Variants in ABCC3 observed in about 807,000 individuals in gnomAD.
ABCC3 encodes ATP-binding cassette sub-family C member 3.
In ABCC3, 121 loss-of-function variants were observed where a neutral mutation model predicts 165.3. That is an observed-to-expected ratio of 0.73 (90% confidence interval 0.63 to 0.85). The LOEUF (loss-of-function observed/expected upper bound fraction) is 0.85. Ranked by LOEUF, ABCC3 falls within the 40% of genes least tolerant of loss-of-function variation. ABCC3 has a pLI of 0.00. For synonymous variants in ABCC3, 733 were observed against 810.1 expected, an observed-to-expected ratio of 0.90 and a Z score of 1.62; for missense variants, 1,869 against 1,964.1, an observed-to-expected ratio of 0.95 and a Z score of 0.92.
intron 8 of ABCC3, among the ~76,000 whole-genome samples, chr17:50,661,884 A>G (rs1967398389): frequency 6.6e-6 from 1 of 152,194 alleles, no homozygotes; most frequent in Admixed American, 6.5e-5. Context: ...TGGGAGGTCA[A>G]CGAATTTGGA....
chr17:50,658,365 AT>A, intron 5 of ABCC3, 69 bp from the exon 6 acceptor site: 1 of 1,585,710 alleles, frequency 6.3e-7, no homozygotes, highest in South Asian at 1.1e-5. Flanking sequence ...GGTCCCCTCC[AT>A]TTCCCTACTC....
In ABCC3 at chr17:50,645,382, A is replaced by AT. The variant is rs1966986125; in HGVS notation, c.45+10401_45+10402insT. Among the ~76,000 whole-genome samples, 4 of 149,526 alleles carry AT rather than the reference A, an allele frequency of 2.7e-5. No individual in the cohort carries two copies. In the South Asian group the frequency reaches 8.8e-4, roughly 33 times the overall value. ...GAGCAAGATTCCATCAAAAAAAAAA[A>AT]AAAAAAAAAAAAAAAAAGATGGGAG... On this transcript the variant is annotated intron_variant, in intron 1 of 30. Transcript: ENST00000285238.
rs1967995513 is a variant in ABCC3, at chr17:50,684,869, A to G, written c.4274A>G (p.Asn1425Ser). Reference protein sequence around the residue: ...LDFQCSEGGENLSVGQRQLVC... With the variant: ...LDFQCSEGGESLSVGQRQLVC... ...TTCCAGTGCTCAGAGGGCGGGGAGA[A>G]TCTCAGGTAAACACTGGGAGTGCAG... The change falls in exon 29 of 31, where the codon AAT becomes AGT. Residue 1425 changes from asparagine (N) to serine (S), a missense_variant. By Grantham distance (46) the Asn-to-Ser change is conservative. Coordinates refer to ENST00000285238, the MANE Select transcript of ABCC3 (RefSeq NM_003786.4). 7 of 1,613,900 alleles carry G rather than the reference A, an allele frequency of 4.3e-6. No individual in the cohort carries two copies. The highest frequency in any genetic ancestry group is 1.7e-4 in the Middle Eastern group (1 of 6,060).
In ABCC3 at chr17:50,656,835, T is replaced by G. The variant is rs1408613172; in HGVS notation, c.348+8T>G. On this transcript the variant is annotated splice_region_variant and intron_variant, in intron 3 of 30. Coordinates refer to ENST00000285238, the MANE Select transcript of ABCC3 (RefSeq NM_003786.4). ...GTGGTGGGGGTCACCATGGTCAGTGTGGGGCCCTGGGAAAGTGGATGGGGG... is the reference window on the plus strand; with the variant it reads ...GTGGTGGGGGTCACCATGGTCAGTGGGGGGCCCTGGGAAAGTGGATGGGGG... 1 of 1,598,360 alleles carries G rather than the reference T, an allele frequency of 6.3e-7. No homozygotes were observed. The highest frequency in any genetic ancestry group is 1.1e-5 in the South Asian group (1 of 88,356).
At position 50,641,956 on chromosome 17, in the gene ABCC3, A is replaced by G. The variant is rs373182227; in HGVS notation, c.45+6975A>G. On this transcript the variant is annotated intron_variant, in intron 1 of 30. Coordinates refer to ENST00000285238, the MANE Select transcript of ABCC3 (RefSeq NM_003786.4). The stretch of plus-strand genomic sequence containing the variant: ...CAGCTACTCAGGAGGCTGAGGCAGG[A>G]GGATCGCTTGAGCCCAAGAGGTCAA... Among the ~76,000 whole-genome samples, 4 of 151,734 alleles carry G rather than the reference A, an allele frequency of 2.6e-5. No individual in the cohort carries two copies. The East Asian group carries it at 7.7e-4, about 29-fold the overall frequency.
Position 50,669,124 on chromosome 17 carries a change from G to A in ABCC3, c.1938-16G>A. 3 of 1,595,630 alleles carry A rather than the reference G, an allele frequency of 1.9e-6. No individual in the cohort carries two copies. The highest frequency in any genetic ancestry group is 2.6e-6 in the Non-Finnish European group (3 of 1,172,386). On this transcript the variant is annotated splice_polypyrimidine_tract_variant and intron_variant, in intron 15 of 30. Coordinates refer to ENST00000285238, the MANE Select transcript of ABCC3 (RefSeq NM_003786.4). ...ATCCCTGCCTCTAACTGGACTCCTG[G>A]GGTCCTTGCCCCCAGCCTAGACATC...
At chr17:50,651,119 G>C (rs967757546) in intron 1 of ABCC3, among the ~76,000 whole-genome samples, 1 of 148,294 alleles carries the variant, frequency 6.7e-6, no homozygotes, top group African/African-American at 2.5e-5. Context: ...TAATTTCCAT[G>C]GACATTAGAA....
rs769068962 is a variant in ABCC3, at chr17:50,675,991, G to A, written c.2968G>A (p.Val990Met). 14 of 1,614,086 alleles carry A rather than the reference G, an allele frequency of 8.7e-6. No homozygotes were observed. The highest frequency in any genetic ancestry group is 2.5e-6 in the Non-Finnish European group (3 of 1,180,042). Residue 990 changes from valine (V) to methionine (M), a missense_variant, in exon 22 of 31, where the codon GTG (valine) becomes ATG (methionine). Coordinates refer to ENST00000285238, the MANE Select transcript of ABCC3 (RefSeq NM_003786.4). ...AAGTGCGGCTGCCATTGGAGCCAAT[G>A]TGTGGCTCAGTGCCTGGACAAATGA... ...GQSAAAIGANVWLSAWTNDAM... is the reference protein window; with the variant it reads ...GQSAAAIGANMWLSAWTNDAM...
chr17:50,689,515 A>G (rs1160554908), intron 30 of ABCC3, among the ~76,000 whole-genome samples: 1 of 152,242 alleles, frequency 6.6e-6, no homozygotes, highest in East Asian at 1.9e-4. Flanking sequence ...TCTTCTTTGA[A>G]GGAGTATAGT....
At chr17:50,643,194 C>T (rs189227853) in intron 1 of ABCC3, among the ~76,000 whole-genome samples, 7 of 152,346 alleles carry the variant, frequency 4.6e-5, no homozygotes, top group African/African-American at 7.2e-5. Flanking sequence ...ATGTACACTC[C>T]GGCCCAGAGA....
At chr17:50,658,271 A>G in intron 5 of ABCC3, 64 bp downstream of exon 5, 1 of 1,611,308 alleles carries the variant, frequency 6.2e-7, no homozygotes, top group Non-Finnish European at 8.5e-7. Context: ...TCTGACCAGC[A>G]GCCCCCAACC....
At chr17:50,679,931 A>T (rs954317970) in intron 26 of ABCC3, 32 bp downstream of exon 26, 3 of 1,570,274 alleles carry the variant, frequency 1.9e-6, no homozygotes, top group Non-Finnish European at 2.6e-6. Flanking sequence ...GGACAGGGGG[A>T]ATCTGAAGTA....
chr17:50,660,780 T>A, intron 7 of ABCC3, 143 bp from the exon 8 acceptor site: 1 of 649,514 alleles, frequency 1.5e-6, no homozygotes, highest in Admixed American at 2.9e-5. Context: ...GCAATTCTTA[T>A]GCTGTCTGTT....
chr17:50,654,959 G>T (rs1967193561), intron 1 of ABCC3, among the ~76,000 whole-genome samples: 1 of 150,636 alleles, frequency 6.6e-6, no homozygotes, highest in African/African-American at 2.4e-5. Flanking sequence ...AATTAGCCGG[G>T]CGTAGTGGTG....
intron 8 of ABCC3, chr17:50,663,038 A>T (rs1967427321): frequency 1.3e-5 from 2 of 152,902 alleles, no homozygotes; most frequent in Admixed American, 1.3e-4. Flanking sequence ...TGAGCACCAG[A>T]AAAAGGAGGA....
intron 30 of ABCC3, among the ~76,000 whole-genome samples, chr17:50,690,506 T>C (rs1276480967): frequency 6.6e-6 from 1 of 152,150 alleles, no homozygotes; most frequent in Non-Finnish European, 1.5e-5. Context: ...CGTACCCTGG[T>C]GGAGCCAGCC....
chr17:50,675,836 G>A (rs748980253), intron 21 of ABCC3, 47 bp from the exon 22 acceptor site: 1 of 1,607,634 alleles, frequency 6.2e-7, no homozygotes, highest in South Asian at 1.1e-5. Flanking sequence ...GCAGCCCCAG[G>A]GTTTATGGAG....
Position 50,687,565 on chromosome 17 carries a change from C to G in ABCC3, c.4310C>G (p.Ala1437Gly). ...GGCCAGAGGCAGCTCGTGTGCCTGGCCCGAGCCCTGCTCCGCAAGAGCCGC... is the reference window on the plus strand; with the variant it reads ...GGCCAGAGGCAGCTCGTGTGCCTGGGCCGAGCCCTGCTCCGCAAGAGCCGC... ...SVGQRQLVCL[A>G]RALLRKSRIL... Residue 1437 changes from alanine (A) to glycine (G), a missense_variant, in exon 30 of 31, where the codon GCC (alanine) becomes GGC (glycine). Coordinates refer to ENST00000285238, the MANE Select transcript of ABCC3 (RefSeq NM_003786.4). The G allele has an allele frequency of 6.2e-7, 1 of 1,613,898 alleles. No individual in the cohort carries two copies. Among genetic ancestry groups the G allele is most frequent in the Non-Finnish European group, 8.5e-7 (1 of 1,180,036 alleles).
intron 8 of ABCC3, 102 bp from the exon 9 acceptor site, chr17:50,663,579 C>A: frequency 7.2e-7 from 1 of 1,391,984 alleles, no homozygotes; most frequent in Non-Finnish European, 9.9e-7. Context: ...GTTTCAGAGG[C>A]CAGGGGTGCA....
Sources: allele counts gnomAD v4.1 joint callset (sites outside exome capture counted in the v4.1 genomes callset), GRCh38; gene constraint gnomAD v4.1.1; transcripts MANE v1.5; gene names NCBI Gene and HGNC (gene_info 2026-07-23, HGNC 2026-07-21).